The following ARMC2 variants were observed in gnomAD, a reference collection of about 807,000 sequenced individuals.
ARMC2 encodes armadillo repeat-containing protein 2.
ARMC2 carries 67 observed loss-of-function variants against 90.3 expected under a neutral mutation model. That is an observed-to-expected ratio of 0.74 (90% CI 0.61 to 0.91). The LOEUF is 0.91. ARMC2 is among the 40% of genes least tolerant of loss of function. The probability of loss-of-function intolerance (pLI) is 0.00; values close to 1 mark genes in which losing one functional copy is unlikely to be tolerated. For synonymous variants in ARMC2, 393 were observed against 393.0 expected, an observed-to-expected ratio of 1.00 and a Z score of 0.00; for missense variants, 920 against 1,030.9, an observed-to-expected ratio of 0.89 and a Z score of 1.47.
At chr6:109,028,991 C>T in the ARMC2 span, among the ~76,000 whole-genome samples, 23 of 152,136 alleles carry the variant, frequency 1.5e-4, no homozygotes, top group Non-Finnish European at 5.9e-5. Flanking sequence ...GAGATTTAGT[C>T]TAAATTGTTC....
intron 12 of ARMC2, among the ~76,000 whole-genome samples, chr6:108,949,158 T>G (rs1022446546): frequency 1.3e-5 from 2 of 152,254 alleles, no homozygotes; most frequent in Non-Finnish European, 2.9e-5. Context: ...TCACTCATAA[T>G]GCCTTTCCTG....
intron 10 of ARMC2, 145 bp from the exon 11 acceptor site, chr6:108,927,943 C>T: frequency 2.6e-6 from 2 of 774,354 alleles, no homozygotes; most frequent in Non-Finnish European, 3.9e-6. Context: ...TGCCTAGGCT[C>T]ACATTCCCTG....
intron 8 of ARMC2, among the ~76,000 whole-genome samples, chr6:108,906,117 T>C (rs1300591455): frequency 6.6e-6 from 1 of 152,218 alleles, no homozygotes; most frequent in East Asian, 1.9e-4. Context: ...AATGAAAGTT[T>C]TCCAGACAGT....
the ARMC2 span, among the ~76,000 whole-genome samples, chr6:109,046,636 A>C: frequency 5.0e-5 from 7 of 138,880 alleles, no homozygotes; most frequent in Admixed American, 3.5e-4. Flanking sequence ...CTAGGAAGTG[A>C]GGAGCGCCTC....
the ARMC2 span, among the ~76,000 whole-genome samples, chr6:109,013,889 G>C: frequency 6.6e-6 from 1 of 151,922 alleles, no homozygotes; most frequent in Admixed American, 6.6e-5. Context: ...ATATCTTCCT[G>C]TTTTTATCTA....
At chr6:108,881,257 C>CT (rs1169994491) in intron 5 of ARMC2, among the ~76,000 whole-genome samples, 1 of 108,862 alleles carries the variant, frequency 9.2e-6, no homozygotes, top group Admixed American at 9.3e-5. Flanking sequence ...TCTTTTCTTT[C>CT]TTCTTTCTTT....
chr6:109,051,951 C>G, the ARMC2 span, among the ~76,000 whole-genome samples: 2 of 152,074 alleles, frequency 1.3e-5, no homozygotes, highest in Non-Finnish European at 2.9e-5. Context: ...TTTTAAAGAC[C>G]CCACCTCTTA....
intron 4 of ARMC2, among the ~76,000 whole-genome samples, chr6:108,869,720 A>G (rs1776197067): frequency 6.6e-6 from 1 of 152,096 alleles, no homozygotes; most frequent in African/African-American, 2.4e-5. Flanking sequence ...TTTGAATGGG[A>G]CTTCTACTGC....
At position 108,970,765 on chromosome 6, in the gene ARMC2, T is replaced by C. The variant is rs573437937; in HGVS notation, c.2447-2592T>C. Among the ~76,000 whole-genome samples the C allele has an allele frequency of 1.2e-3, 187 of 152,178 alleles. 1 individual carries two copies. The highest frequency in any genetic ancestry group is 4.0e-3 in the African/African-American group (168 of 41,558). On this transcript the variant is annotated intron_variant, in intron 17 of 17. Coordinates refer to ENST00000392644, the MANE Select transcript of ARMC2 (RefSeq NM_032131.6). The stretch of plus-strand genomic sequence containing the variant: ...CACCTGCCTCAGCCTCCCAAAGTGA[T>C]GGGATTATAGGCGTGAGCCACCGTA...
chr6:108,976,931 A>G (rs1278260034), downstream of ARMC2, among the ~76,000 whole-genome samples: 1 of 152,250 alleles, frequency 6.6e-6, no homozygotes. Flanking sequence ...CTAAATATAC[A>G]GTCATACCAT....
At chr6:108,872,063 T>A (rs1776473399) in intron 4 of ARMC2, among the ~76,000 whole-genome samples, 1 of 152,240 alleles carries the variant, frequency 6.6e-6, no homozygotes, top group African/African-American at 2.4e-5. Flanking sequence ...TCATTTCAGA[T>A]CTTCTCTATT....
chr6:109,030,827 C>A, the ARMC2 span, among the ~76,000 whole-genome samples: 16 of 152,152 alleles, frequency 1.1e-4, no homozygotes, highest in Non-Finnish European at 2.2e-4. Flanking sequence ...CTCATTATTC[C>A]TATATTACCC....
intron 12 of ARMC2, among the ~76,000 whole-genome samples, chr6:108,950,779 TAAAAA>T (rs774268172): frequency 6.6e-6 from 1 of 151,968 alleles, no homozygotes. Flanking sequence ...CCTAAAAAGT[TAAAAA>T]AAGAGAGAGA....
At chr6:108,895,887 A>G (rs1016316015) in intron 6 of ARMC2, among the ~76,000 whole-genome samples, 3 of 152,144 alleles carry the variant, frequency 2.0e-5, no homozygotes, top group African/African-American at 7.2e-5. Context: ...GTAATGTTTC[A>G]TTTCTTTAAA....
chr6:108,913,645 T>C (rs1212781523), intron 10 of ARMC2, among the ~76,000 whole-genome samples: 1 of 152,230 alleles, frequency 6.6e-6, no homozygotes, highest in Non-Finnish European at 1.5e-5. Flanking sequence ...TGCAATTTTT[T>C]CACCCTGAGA....
chr6:108,874,713 G>C (rs543330192), intron 4 of ARMC2, among the ~76,000 whole-genome samples: 3 of 152,208 alleles, frequency 2.0e-5, no homozygotes, highest in African/African-American at 7.2e-5. Flanking sequence ...TGGGTGCCCC[G>C]GGGGGCCTGC....
chr6:109,010,755 G>A, the ARMC2 span, among the ~76,000 whole-genome samples: 3 of 152,190 alleles, frequency 2.0e-5, no homozygotes, highest in African/African-American at 7.2e-5. Context: ...TTGAGTTAAT[G>A]TCGATATAGA....
intron 10 of ARMC2, chr6:108,922,958 T>C (rs561498665): frequency 1.3e-5 from 2 of 152,346 alleles, no homozygotes; most frequent in South Asian, 4.1e-4. Context: ...CAATTGCTAA[T>C]AAGCAAGGAA....
intron 12 of ARMC2, among the ~76,000 whole-genome samples, chr6:108,942,029 C>T (rs1776479818): frequency 6.6e-6 from 1 of 152,052 alleles, no homozygotes; most frequent in South Asian, 2.1e-4. Context: ...AATCATTAAC[C>T]AGAAATTCCC....
Sources: gnomAD v4.1 joint callset for allele counts (sites outside exome capture counted in the v4.1 genomes callset) on GRCh38, gnomAD v4.1.1 for gene constraint, MANE v1.5 for transcripts, NCBI Gene and HGNC (gene_info 2026-07-23, HGNC 2026-07-21) for gene names.